Variants in SPG11 observed in about 807,000 individuals in gnomAD.
SPG11 encodes the protein spatacsin.
Under a neutral mutation model 274.0 loss-of-function variants are expected in SPG11, and 222 were observed. The observed-to-expected ratio is 0.81, with a 90% CI of 0.73 to 0.91. The LOEUF (loss-of-function observed/expected upper bound fraction) is 0.91. Ranked by LOEUF, SPG11 falls within the 40% of genes least tolerant of loss-of-function variation. The probability of loss-of-function intolerance (pLI) is 0.00; values close to 1 mark genes in which losing one functional copy is unlikely to be tolerated. For missense variants in SPG11, 3,114 were observed against 2,872.7 expected (o/e 1.08, Z -1.92); for synonymous variants, 1,144 against 1,039.7 (o/e 1.10, Z -1.93).
chr15:44,569,688 AT>A (rs2082378024), intron 34 of SPG11, among the ~76,000 whole-genome samples, 183 bp from the exon 35 acceptor site: 2 of 150,844 alleles, frequency 1.3e-5, no homozygotes, highest in African/African-American at 4.9e-5. Context: ...GGATTCAGAA[AT>A]GTCAGTCACT....
intron 8 of SPG11, among the ~76,000 whole-genome samples, chr15:44,629,841 C>G (rs550816466): frequency 9.9e-5 from 15 of 152,174 alleles, no homozygotes; most frequent in African/African-American, 2.6e-4. Flanking sequence ...GAGGCCAAGG[C>G]AAGCAGATCA....
chr15:44,597,238 G>A lies in SPG11; in HGVS notation c.4002-295C>T, dbSNP rs565725852. On this transcript the variant is annotated intron_variant, in intron 23 of 39. Transcript: ENST00000261866. ...AAGCAGTTCTCCTGTCTCAGCCTCC[G>A]AGTAGCTGGGATTACAGGCATGTGC... 61 of 311,512 alleles carry A rather than the reference G, an allele frequency of 2.0e-4. No individual in the cohort carries two copies. In the East Asian group the frequency reaches 4.7e-3, roughly 24 times the overall value. 19.3% of individuals were successfully genotyped at this position (311,512 alleles called of 1,614,324 possible).
At position 44,622,357 on chromosome 15, in the gene SPG11, A is replaced by G. The variant is rs764108717; in HGVS notation, c.2317-10T>C. 6.5e-7 allele frequency: 1 copy of G among 1,529,724 alleles called. No individual in the cohort carries two copies. The highest frequency in any genetic ancestry group is 1.4e-5 in the African/African-American group (1 of 72,210). The allele number at this position is 1,529,724 out of a possible 1,614,324, so 94.8% of individuals were successfully genotyped here. Reference sequence around the variant, plus strand: ...CTTTTAAAATTTCAACCTTGAATAAAAAGTAATTAAAGCAGTGACTTTACA... The same window carrying G: ...CTTTTAAAATTTCAACCTTGAATAAGAAGTAATTAAAGCAGTGACTTTACA... On this transcript the variant is annotated splice_polypyrimidine_tract_variant and intron_variant, in intron 12 of 39. Transcript: ENST00000261866.
chr15:44,611,868 C>T (rs2083467681), intron 17 of SPG11, among the ~76,000 whole-genome samples: 1 of 128,742 alleles, frequency 7.8e-6, no homozygotes, highest in South Asian at 2.6e-4. Flanking sequence ...TGGAGTGGAG[C>T]TATCTTGGCT....
At position 44,596,112 on chromosome 15, in the gene SPG11, T is replaced by A. The variant is rs767802753; in HGVS notation, c.4405A>T (p.Ile1469Phe). The change falls in exon 25 of 40, where the codon ATC becomes TTC. Residue 1469 changes from isoleucine to phenylalanine, a missense_variant. Transcript: ENST00000261866. ...AGACATGAGGCCAGAACACTGAGGA[T>A]AGGGGCCTGTTGTTTCACTGCTTCA... ...LVEAVKQQAP[I>F]LSVLASCLQG... The A allele has an allele frequency of 1.9e-6, 3 of 1,613,854 alleles. No homozygotes were observed. The highest frequency in any genetic ancestry group is 2.5e-6 in the Non-Finnish European group (3 of 1,180,022).
At chr15:44,659,378 T>C (rs2085037174) in intron 2 of SPG11, 75 bp from the exon 3 acceptor site, 18 of 1,331,054 alleles carry the variant, frequency 1.4e-5, no homozygotes, top group Non-Finnish European at 1.8e-5. Flanking sequence ...TTGATAAACC[T>C]AATACAAAAA....
chr15:44,663,248 C>T, intron 1 of SPG11, 143 bp downstream of exon 1: 4 of 1,163,782 alleles, frequency 3.4e-6, no homozygotes, highest in South Asian at 1.4e-5. Context: ...CCACGCTCGC[C>T]TCTGGGGCGT....
intron 9 of SPG11, 24 bp from the exon 10 acceptor site, chr15:44,628,868 AT>A: frequency 6.2e-7 from 1 of 1,604,066 alleles, no homozygotes; most frequent in African/African-American, 1.3e-5. Flanking sequence ...CAATGTGCCA[AT>A]TTGTGTGTGT....
At position 44,628,710 on chromosome 15, in the gene SPG11, T is replaced by G. The variant is rs775487537; in HGVS notation, c.2026A>C (p.Lys676Gln). ...DEYDVHENVP[K>Q]VKESNIWKKL... Reference sequence around the variant, plus strand: ...TTCCATATATTGCTCTCCTTTACTTTGGGGACATTTTCATGTACATCATAT... The same window carrying G: ...TTCCATATATTGCTCTCCTTTACTTGGGGGACATTTTCATGTACATCATAT... Residue 676 changes from lysine to glutamine, a missense_variant, in exon 10 of 40, where the codon AAA (lysine) becomes CAA (glutamine). Transcript: ENST00000261866. The G allele has an allele frequency of 7.4e-6, 12 of 1,613,728 alleles. No individual in the cohort carries two copies. In the East Asian group the frequency reaches 2.5e-4, roughly 33 times the overall value.
At chr15:44,570,378 G>T in intron 34 of SPG11, 147 bp downstream of exon 34, 8 of 988,732 alleles carry the variant, frequency 8.1e-6, no homozygotes, top group Non-Finnish European at 8.9e-6. Flanking sequence ...CAGAGGGTTG[G>T]GCTGCCCAGC....
chr15:44,564,329 C>T (rs920861389), intron 39 of SPG11, among the ~76,000 whole-genome samples: 4 of 152,154 alleles, frequency 2.6e-5, no homozygotes, highest in Non-Finnish European at 5.9e-5. Flanking sequence ...AGCTATCCTC[C>T]CATTTTAAAG....
chr15:44,620,630 G>T, intron 14 of SPG11: 1 of 472,136 alleles, frequency 2.1e-6, no homozygotes, highest in Non-Finnish European at 3.8e-6. Context: ...GACCTCCTGG[G>T]CTCAAGTGGT....
At chr15:44,636,958 C>CAAAAAAAAAAAAAAAAAAAAAAAAAAA (rs1328250311) in intron 7 of SPG11, among the ~76,000 whole-genome samples, 1 of 89,102 alleles carries the variant, frequency 1.1e-5, no homozygotes, top group East Asian at 3.2e-4. Context: ...AAAAAAAAAA[C>CAAAAAAAAAAAAAAAAAAAAAAAAAAA]AAAAAAAAAA....
At chr15:44,614,506 G>A (rs559355673) in intron 16 of SPG11, among the ~76,000 whole-genome samples, 15 of 152,286 alleles carry the variant, frequency 9.8e-5, no homozygotes, top group Admixed American at 3.9e-4. Flanking sequence ...TTAGAGATGT[G>A]AGCCACCGTG....
At chr15:44,602,606 G>A (rs945770179) in intron 20 of SPG11, among the ~76,000 whole-genome samples, 7 of 151,778 alleles carry the variant, frequency 4.6e-5, no homozygotes, top group Non-Finnish European at 1.0e-4. Flanking sequence ...AGCCTCCCAA[G>A]TAGGTGGGAC....
chr15:44,602,349 G>C (rs78447200), intron 20 of SPG11, among the ~76,000 whole-genome samples: 2,184 of 152,244 alleles, frequency 0.014, 54 homozygotes, highest in East Asian at 0.097. Flanking sequence ...CTGTGAGACT[G>C]TCATACATGG....
chr15:44,635,899 AGAGT>A (rs1358696248), intron 7 of SPG11, among the ~76,000 whole-genome samples: 1 of 151,758 alleles, frequency 6.6e-6, no homozygotes, highest in Non-Finnish European at 1.5e-5. Context: ...CCTGAGTGAC[AGAGT>A]GAGACTCCAC....
At chr15:44,662,649 T>TAA (rs1359050587) in intron 1 of SPG11, among the ~76,000 whole-genome samples, 1 of 127,758 alleles carries the variant, frequency 7.8e-6, no homozygotes, top group African/African-American at 3.6e-5. Flanking sequence ...GACCTTATCT[T>TAA]TAAAAAAAAA....
At chr15:44,605,879 C>G (rs1374427036) in intron 20 of SPG11, 146 bp downstream of exon 20, 26 of 716,094 alleles carry the variant, frequency 3.6e-5, no homozygotes, top group Non-Finnish European at 1.5e-5. Context: ...GTTTTCAATT[C>G]TGTCTTTGCG....
Sources: allele counts gnomAD v4.1 joint callset (sites outside exome capture counted in the v4.1 genomes callset), GRCh38; gene constraint gnomAD v4.1.1; transcripts MANE v1.5; gene names NCBI Gene and HGNC (gene_info 2026-07-23, HGNC 2026-07-21).